The following PLXDC2 variants were observed in gnomAD, a reference collection of about 807,000 sequenced individuals.
PLXDC2 encodes the protein plexin domain-containing protein 2.
PLXDC2 carries 40 observed loss-of-function variants against 68.9 expected under a neutral mutation model. The ratio of observed to expected loss-of-function variants is 0.58; its 90% CI spans 0.45 to 0.76. PLXDC2 has a LOEUF of 0.76. PLXDC2 is among the 30% of genes least tolerant of loss of function. The probability of loss-of-function intolerance (pLI) is 0.00; values close to 1 mark genes in which losing one functional copy is unlikely to be tolerated. For synonymous variants in PLXDC2, 243 were observed against 234.2 expected, an observed-to-expected ratio of 1.04 and a Z score of -0.34; for missense variants, 644 against 661.9, an observed-to-expected ratio of 0.97 and a Z score of 0.30.
At chr10:20,234,511 A>G (rs1193458609) in intron 12 of PLXDC2, among the ~76,000 whole-genome samples, 3 of 152,188 alleles carry the variant, frequency 2.0e-5, no homozygotes, top group East Asian at 3.8e-4. Context: ...GCAGTGAAAT[A>G]TAAGTACCCT....
intron 1 of PLXDC2, among the ~76,000 whole-genome samples, chr10:19,837,224 A>G (rs1045073450): frequency 6.7e-6 from 1 of 149,030 alleles, no homozygotes; most frequent in African/African-American, 2.5e-5. Flanking sequence ...TAAAAAAAAG[A>G]AATGAAGTGA....
chr10:20,203,386 A>G (rs897749516), intron 9 of PLXDC2, among the ~76,000 whole-genome samples: 5 of 150,738 alleles, frequency 3.3e-5, no homozygotes, highest in Non-Finnish European at 7.4e-5. Flanking sequence ...AGCCTCCTAC[A>G]CTCAACCTCC....
intron 9 of PLXDC2, among the ~76,000 whole-genome samples, chr10:20,200,416 G>A (rs1834901434): frequency 6.6e-6 from 1 of 151,940 alleles, no homozygotes; most frequent in African/African-American, 2.4e-5. Flanking sequence ...TATTTTATAA[G>A]GGTTAAAATG....
chr10:20,044,265 CTTTCT>C (rs1835755030), intron 2 of PLXDC2, among the ~76,000 whole-genome samples: 4 of 108,958 alleles, frequency 3.7e-5, no homozygotes, highest in African/African-American at 7.9e-5. Context: ...TTCTTTCTTT[CTTTCT>C]TTCTTTCTTT....
chr10:20,151,636 T>C (rs1185849918), intron 6 of PLXDC2, among the ~76,000 whole-genome samples: 1 of 152,182 alleles, frequency 6.6e-6, no homozygotes, highest in Non-Finnish European at 1.5e-5. Flanking sequence ...CAATAAGCGT[T>C]TCTTAATATT....
At chr10:19,922,143 GC>G (rs773308605) in intron 1 of PLXDC2, among the ~76,000 whole-genome samples, 1 of 152,194 alleles carries the variant, frequency 6.6e-6, no homozygotes, top group Non-Finnish European at 1.5e-5. Context: ...ACAGGCGTGA[GC>G]CACCGTTCTC....
chr10:19,999,400 T>A (rs1317595681), intron 1 of PLXDC2, among the ~76,000 whole-genome samples: 1 of 152,104 alleles, frequency 6.6e-6, no homozygotes, highest in Admixed American at 6.5e-5. Context: ...GTTTTTTTTT[T>A]TTCTGATTTA....
chr10:19,852,522 A>G (rs1251731815), intron 1 of PLXDC2, among the ~76,000 whole-genome samples: 3 of 150,834 alleles, frequency 2.0e-5, no homozygotes, highest in Non-Finnish European at 4.4e-5. Context: ...AGTTCAGTGG[A>G]AAAGATTTCA....
chr10:19,995,293 C>G (rs987896014), intron 1 of PLXDC2, among the ~76,000 whole-genome samples: 5 of 152,144 alleles, frequency 3.3e-5, no homozygotes, highest in Non-Finnish European at 7.3e-5. Context: ...AGGGGAAAAG[C>G]ACATGGGACA....
intron 1 of PLXDC2, among the ~76,000 whole-genome samples, chr10:19,900,300 C>T (rs190533996): frequency 9.2e-5 from 14 of 152,116 alleles, no homozygotes; most frequent in Non-Finnish European, 2.9e-5. Flanking sequence ...TTTGGAATGA[C>T]AACTTATGAG....
At chr10:20,151,851 C>G (rs1017650779) in intron 6 of PLXDC2, among the ~76,000 whole-genome samples, 1 of 152,024 alleles carries the variant, frequency 6.6e-6, no homozygotes, top group Non-Finnish European at 1.5e-5. Flanking sequence ...TAATAAGTTT[C>G]TTCTAATAGG....
intron 4 of PLXDC2, among the ~76,000 whole-genome samples, chr10:20,108,128 C>A (rs1833514869): frequency 6.6e-6 from 1 of 152,168 alleles, no homozygotes; most frequent in Non-Finnish European, 1.5e-5. Flanking sequence ...TTCCAATAAG[C>A]ATTGAATGAA....
At chr10:19,904,877 A>T (rs972601239) in intron 1 of PLXDC2, among the ~76,000 whole-genome samples, 2 of 152,196 alleles carry the variant, frequency 1.3e-5, no homozygotes, top group African/African-American at 4.8e-5. Context: ...GCCATCTTTG[A>T]AAGCTATAAA....
chr10:19,979,637 G>T (rs570031622), intron 1 of PLXDC2, among the ~76,000 whole-genome samples: 1 of 152,284 alleles, frequency 6.6e-6, no homozygotes, highest in Non-Finnish European at 1.5e-5. Flanking sequence ...CTCTCAAAGC[G>T]CTGGGATTAC....
rs968661869 is a variant in PLXDC2 at position 19,819,946 on chromosome 10, A to G, written c.112+2755A>G. On this transcript the variant is annotated intron_variant, in intron 1 of 13. Coordinates refer to ENST00000377252, the MANE Select transcript of PLXDC2 (RefSeq NM_032812.9). Reference sequence around the variant, plus strand: ...ATTTATTGTAAAATGGACATCTGTCATATTGTTGGACAAAAGACAGGTTGA... The same window carrying G: ...ATTTATTGTAAAATGGACATCTGTCGTATTGTTGGACAAAAGACAGGTTGA... Among the ~76,000 whole-genome samples, 4 of 152,368 alleles carry G rather than the reference A, an allele frequency of 2.6e-5. No individual in the cohort carries two copies. In the East Asian group the frequency reaches 7.7e-4, roughly 29 times the overall value.
intron 1 of PLXDC2, among the ~76,000 whole-genome samples, chr10:19,873,212 A>G (rs1034243765): frequency 6.6e-6 from 1 of 152,132 alleles, no homozygotes; most frequent in Non-Finnish European, 1.5e-5. Flanking sequence ...CTTAGAAATG[A>G]TAAAGAAACA....
chr10:20,217,757 T>C (rs1191346800), intron 11 of PLXDC2, among the ~76,000 whole-genome samples, 181 bp downstream of exon 11: 1 of 152,024 alleles, frequency 6.6e-6, no homozygotes, highest in East Asian at 1.9e-4. Context: ...AAAATTATTA[T>C]GAACTAAAAG....
At chr10:19,904,965 C>T (rs2131370107) in intron 1 of PLXDC2, among the ~76,000 whole-genome samples, 1 of 152,346 alleles carries the variant, frequency 6.6e-6, no homozygotes, top group Non-Finnish European at 1.5e-5. Context: ...CACCCTCCCT[C>T]CACAATGTGT....
chr10:19,847,042 C>T (rs1053352363), intron 1 of PLXDC2, among the ~76,000 whole-genome samples: 1 of 152,008 alleles, frequency 6.6e-6, no homozygotes, highest in Non-Finnish European at 1.5e-5. Context: ...AAAACTCGCC[C>T]CCATGCTTCA....
Sources: gnomAD v4.1 joint callset for allele counts (sites outside exome capture counted in the v4.1 genomes callset) on GRCh38, gnomAD v4.1.1 for gene constraint, MANE v1.5 for transcripts, NCBI Gene and HGNC (gene_info 2026-07-23, HGNC 2026-07-21) for gene names.